Variants in CORO1C observed in about 807,000 individuals in gnomAD.
CORO1C encodes the protein coronin 1C, also known as coronin-1C.
CORO1C carries 14 observed loss-of-function variants against 51.2 expected under a neutral mutation model. The ratio of observed to expected loss-of-function variants is 0.27; its 90% CI spans 0.18 to 0.43. CORO1C has a LOEUF of 0.43. Among genes scored for constraint, CORO1C ranks in the 20% least tolerant of loss-of-function variants. CORO1C has a pLI of 1.00. For synonymous variants in CORO1C, 181 were observed against 210.5 expected, an observed-to-expected ratio of 0.86 and a Z score of 1.21; for missense variants, 417 against 607.8, an observed-to-expected ratio of 0.69 and a Z score of 3.30.
At chr12:108,730,653 TG>T (rs1657236738) in intron 1 of CORO1C, 1 of 153,128 alleles carries the variant, frequency 6.5e-6, no homozygotes, top group African/African-American at 2.4e-5. Flanking sequence ...TCGGACACCC[TG>T]GGCCCCCGAT....
intron 1 of CORO1C, among the ~76,000 whole-genome samples, chr12:108,725,476 G>A (rs2035566153): frequency 6.6e-6 from 1 of 152,180 alleles, no homozygotes; most frequent in South Asian, 2.1e-4. Flanking sequence ...CCACACTACA[G>A]AGGAGGAAAG....
intron 2 of CORO1C, among the ~76,000 whole-genome samples, chr12:108,699,909 T>C (rs1483491549): frequency 2.0e-5 from 3 of 152,220 alleles, no homozygotes; most frequent in Non-Finnish European, 4.4e-5. Context: ...TTCTACTGTG[T>C]TATCTATCTG....
chr12:108,681,724 A>G (rs2034129886), intron 2 of CORO1C, among the ~76,000 whole-genome samples: 2 of 152,226 alleles, frequency 1.3e-5, no homozygotes, highest in African/African-American at 4.8e-5. Flanking sequence ...ATTTGTCTCA[A>G]AGAATTGCTA....
intron 2 of CORO1C, among the ~76,000 whole-genome samples, chr12:108,696,561 C>T (rs1358362422): frequency 1.3e-5 from 2 of 152,064 alleles, no homozygotes; most frequent in Non-Finnish European, 2.9e-5. Flanking sequence ...TTCATGCCAA[C>T]GTGGTAGATT....
At chr12:108,680,938 CTATTT>C (rs2034103465) in intron 2 of CORO1C, among the ~76,000 whole-genome samples, 4 of 152,230 alleles carry the variant, frequency 2.6e-5, no homozygotes, top group African/African-American at 9.6e-5. Flanking sequence ...GGCATTCATC[CTATTT>C]TACATAATTA....
chr12:108,652,635 G>A (rs140020741), intron 7 of CORO1C, among the ~76,000 whole-genome samples: 124 of 152,254 alleles, frequency 8.1e-4, no homozygotes, highest in Admixed American at 3.3e-3. Context: ...CTTTTAAGTG[G>A]TCTCCTCAGC....
At position 108,701,237 on chromosome 12, in the gene CORO1C, G is replaced by C; in HGVS notation, c.82C>G (p.Arg28Gly). The C allele has an allele frequency of 6.2e-7, 1 of 1,614,110 alleles. No individual in the cohort carries two copies. The change falls in exon 2 of 11, where the codon CGG becomes GGG. Residue 28 changes from arginine (R) to glycine (G), a missense_variant. Transcript: ENST00000261401. ...VKNDQCYDDI[R>G]VSRVTWDSSF... is the part of the protein sequence containing the mutation. ...CTATCCCAGGTCACACGAGAAACCCGGATGTCATCATAGCACTGGTCATTT... is the reference window on the plus strand; with the variant it reads ...CTATCCCAGGTCACACGAGAAACCCCGATGTCATCATAGCACTGGTCATTT...
chr12:108,655,871 C>T (rs1182685125), intron 6 of CORO1C, among the ~76,000 whole-genome samples: 15 of 151,954 alleles, frequency 9.9e-5, no homozygotes, highest in Non-Finnish European at 1.8e-4. Context: ...CCCCTCTGCC[C>T]GGCTGCCCAG....
intron 8 of CORO1C, among the ~76,000 whole-genome samples, chr12:108,650,477 C>A (rs779747241): frequency 1.3e-5 from 2 of 152,096 alleles, no homozygotes; most frequent in Non-Finnish European, 2.9e-5. Context: ...CCACTCCTGG[C>A]CCAAAAACAT....
chr12:108,692,549 T>C (rs1368947570), intron 2 of CORO1C, among the ~76,000 whole-genome samples: 2 of 152,214 alleles, frequency 1.3e-5, no homozygotes, highest in Non-Finnish European at 2.9e-5. Flanking sequence ...AAGTAGCCCA[T>C]GAAAGAAGGC....
In CORO1C at chr12:108,658,577, A is replaced by G. The variant is rs987736388; in HGVS notation, c.630+161T>C. Among the ~76,000 whole-genome samples, 1 of 152,232 alleles carries G rather than the reference A, an allele frequency of 6.6e-6. No homozygotes were observed. Among genetic ancestry groups the G allele is most frequent in the African/African-American group, 2.4e-5 (1 of 41,450 alleles). On this transcript the variant is annotated intron_variant, in intron 5 of 10. Coordinates refer to ENST00000261401, the MANE Select transcript of CORO1C (RefSeq NM_014325.4). The surrounding 1 kb of genome is among the most constrained non-coding windows in gnomAD (Gnocchi z 4.9). Reference sequence around the variant, plus strand: ...ATTTACAACTCTGGAGAGAAGCACAACTGGGGAGACAGAAGCCTTTATAAG... The same window carrying G: ...ATTTACAACTCTGGAGAGAAGCACAGCTGGGGAGACAGAAGCCTTTATAAG...
In CORO1C at chr12:108,647,086, G is replaced by T; in HGVS notation, c.*317C>A. 1.4e-5 allele frequency: 3 copies of T among 213,224 alleles called. No individual in the cohort carries two copies. The highest frequency in any genetic ancestry group is 1.8e-5 in the Non-Finnish European group (2 of 109,140). The allele number at this position is 213,224 out of a possible 1,614,324, so 13.2% of individuals were successfully genotyped here. A position where few individuals can be genotyped will look rare whatever the true frequency, so the allele number is the denominator to read the frequency against. On this transcript the variant is annotated 3_prime_UTR_variant, in exon 11 of 11. Coordinates refer to ENST00000261401, the MANE Select transcript of CORO1C (RefSeq NM_014325.4). The stretch of plus-strand genomic sequence containing the variant: ...GGCACGACACAATCAGAATTAGTTT[G>T]TTTTCTAAAATTCAGAGTATCTGGG...
At chr12:108,692,464 T>G (rs915819210) in intron 2 of CORO1C, among the ~76,000 whole-genome samples, 1 of 152,210 alleles carries the variant, frequency 6.6e-6, no homozygotes, top group Non-Finnish European at 1.5e-5. Flanking sequence ...ATGCAGCCAA[T>G]GCAAATCCAG....
chr12:108,714,442 A>G (rs1468232579), intron 1 of CORO1C, among the ~76,000 whole-genome samples: 4 of 151,344 alleles, frequency 2.6e-5, no homozygotes, highest in Non-Finnish European at 4.4e-5. Flanking sequence ...GAGCATGCAT[A>G]AAACACTAGA....
chr12:108,695,773 T>C (rs1474714820), intron 2 of CORO1C, among the ~76,000 whole-genome samples: 1 of 148,038 alleles, frequency 6.8e-6, no homozygotes, highest in Non-Finnish European at 1.5e-5. Flanking sequence ...CCTAATGCTC[T>C]AATATATGCT....
chr12:108,655,404 CCT>C (rs1202517055), intron 6 of CORO1C, among the ~76,000 whole-genome samples: 1 of 150,450 alleles, frequency 6.6e-6, no homozygotes, highest in Non-Finnish European at 1.5e-5. Flanking sequence ...TCTCCCTCTC[CCT>C]CTCTTTCCAC....
At chr12:108,651,347 A>G (rs2032644071) in intron 8 of CORO1C, among the ~76,000 whole-genome samples, 1 of 152,218 alleles carries the variant, frequency 6.6e-6, no homozygotes, top group South Asian at 2.1e-4. Flanking sequence ...TGAGTCTCAG[A>G]GGATATATTT....
intron 3 of CORO1C, among the ~76,000 whole-genome samples, chr12:108,663,736 G>A (rs1315689832): frequency 6.6e-6 from 1 of 152,168 alleles, no homozygotes; most frequent in Non-Finnish European, 1.5e-5. Context: ...TCTATATGAG[G>A]TGATGAAAAT....
intron 3 of CORO1C, among the ~76,000 whole-genome samples, chr12:108,671,491 C>T (rs1395004174): frequency 5.8e-5 from 8 of 138,638 alleles, no homozygotes; most frequent in African/African-American, 8.0e-5. Context: ...AACTGTAATG[C>T]AAGAAAAAAA....
Sources: gnomAD v4.1 joint callset for allele counts (sites outside exome capture counted in the v4.1 genomes callset) on GRCh38, gnomAD v4.1.1 for gene constraint, Gnocchi (gnomAD v3.1) non-coding constraint, MANE v1.5 for transcripts, NCBI Gene and HGNC (gene_info 2026-07-23, HGNC 2026-07-21) for gene names.